GPR179: variants seen among roughly 807,000 people sequenced by gnomAD.
GPR179 encodes the protein G protein-coupled receptor 179, also known as probable G protein-coupled receptor 179.
A neutral mutation model predicts 70.8 loss-of-function variants in GPR179; 52 were observed. The ratio of observed to expected loss-of-function variants is 0.73; its 90% CI spans 0.59 to 0.93. The LOEUF (loss-of-function observed/expected upper bound fraction) is 0.93. Among genes scored for constraint, GPR179 ranks in the 40% least tolerant of loss-of-function variants. The pLI is 0.00. For synonymous variants in GPR179, 1,123 were observed against 1,169.0 expected, an observed-to-expected ratio of 0.96 and a Z score of 0.80; for missense variants, 2,734 against 2,966.8, an observed-to-expected ratio of 0.92 and a Z score of 1.82.
Position 38,326,468 on chromosome 17 carries a change from C to T in GPR179, c.7101G>A (p.Glu2367=). 2 of 1,599,694 alleles carry T rather than the reference C, an allele frequency of 1.3e-6. No homozygotes were observed. The highest frequency in any genetic ancestry group is 1.7e-6 in the Non-Finnish European group (2 of 1,170,556). The part of the protein sequence containing the change: ...TPPTVYPWDW[E] ...TTGACCTCACCTAATAAGGCTGTTACTCCCAATCCCAAGGATAGACAGTGG... is the reference window on the plus strand; with the variant it reads ...TTGACCTCACCTAATAAGGCTGTTATTCCCAATCCCAAGGATAGACAGTGG... The change falls in exon 11 of 11, where the codon GAG becomes GAA. Residue 2367 remains glutamate (E), a synonymous_variant. Coordinates refer to ENST00000616987, the MANE Select transcript of GPR179 (RefSeq NM_001004334.4).
chr17:38,335,213 G>T lies in GPR179; in HGVS notation c.1465C>A (p.Arg489=). The T allele has an allele frequency of 6.4e-7, 1 of 1,555,138 alleles. No individual in the cohort carries two copies. Among genetic ancestry groups the T allele is most frequent in the Non-Finnish European group, 8.7e-7 (1 of 1,149,466 alleles). Residue 489 remains arginine, a synonymous_variant, in exon 7 of 11, where the codon CGG becomes AGG. Transcript: ENST00000616987. ...AQRSALLSSG[R]LLRHLGLLLL... ...AGCAGCCCCAGGTGCCGCAGCAGCC[G>T]CCCGCTGCTCAGAAGGGCACTCCGC...
chr17:38,329,697 C>T lies in GPR179; in HGVS notation c.3872G>A (p.Gly1291Glu). 6.2e-7 allele frequency: 1 copy of T among 1,614,198 alleles called. No individual in the cohort carries two copies. Among genetic ancestry groups the T allele is most frequent in the Non-Finnish European group, 8.5e-7 (1 of 1,180,040 alleles). The change falls in exon 11 of 11, where the codon GGG (glycine) becomes GAG (glutamate). Residue 1291 changes from glycine (G) to glutamate (E), a missense_variant. Transcript: ENST00000616987. ...GGGCTCTGATTTTCCCCGGGCCTCC[C>T]CTCTCTTTTTTTGGGAGTCACCTGG... ...QDPGDSQKKR[G>E]EARGKSEPID...
chr17:38,332,563 C>T (rs527719784), intron 10 of GPR179, among the ~76,000 whole-genome samples: 13 of 152,300 alleles, frequency 8.5e-5, no homozygotes, highest in African/African-American at 3.1e-4. Flanking sequence ...CTAGGCTGGC[C>T]CTAGGTGCCC....
chr17:38,335,131 C>T lies in GPR179; in HGVS notation c.1547G>A (p.Gly516Asp), dbSNP rs1172583346. ...AVWTVGALER[G>D]IQHAPLVIRG... ...GATCACCAGAGGTGCGTGCTGGATG[C>T]CTCGCTCCAGGGCGCCCACGGTCCA... Residue 516 changes from glycine to aspartate, a missense_variant, in exon 7 of 11, where the codon GGC (glycine) becomes GAC (aspartate). Coordinates refer to ENST00000616987, the MANE Select transcript of GPR179 (RefSeq NM_001004334.4). 1.9e-6 allele frequency: 3 copies of T among 1,603,116 alleles called. No homozygotes were observed. Among genetic ancestry groups the T allele is most frequent in the Non-Finnish European group, 2.6e-6 (3 of 1,175,308 alleles).
At chr17:38,338,951 A>G (rs1386715583) in intron 2 of GPR179, among the ~76,000 whole-genome samples, 2 of 152,160 alleles carry the variant, frequency 1.3e-5, no homozygotes, top group African/African-American at 2.4e-5. Context: ...GATTCCTCCC[A>G]TACTCCAACC....
rs2144263583 is a variant in GPR179, at chr17:38,330,985, T to G, written c.2584A>C (p.Thr862Pro). 2.5e-6 allele frequency: 4 copies of G among 1,612,192 alleles called. No individual in the cohort carries two copies. Among genetic ancestry groups the G allele is most frequent in the Non-Finnish European group, 3.4e-6 (4 of 1,179,784 alleles). Residue 862 changes from threonine to proline, a missense_variant, in exon 11 of 11, where the codon ACC (threonine) becomes CCC (proline). Thr to Pro is a conservative substitution (Grantham distance 38). Transcript: ENST00000616987. Reference sequence around the variant, plus strand: ...TCCCGCTCCTTTGCTTGCCGGTAGGTCTCCTCCAGGTAGGCCTGGCTGGCC... The same window carrying G: ...TCCCGCTCCTTTGCTTGCCGGTAGGGCTCCTCCAGGTAGGCCTGGCTGGCC... ...LMASQAYLEETYRQAKEREER... is the reference protein window; with the variant it reads ...LMASQAYLEEPYRQAKEREER...
In GPR179 at chr17:38,328,616, C is replaced by T; in HGVS notation, c.4953G>A (p.Trp1651Ter). 8 of 1,614,186 alleles carry T rather than the reference C, an allele frequency of 5.0e-6. No homozygotes were observed. The highest frequency in any genetic ancestry group is 6.8e-6 in the Non-Finnish European group (8 of 1,180,036). The change falls in exon 11 of 11, where the codon TGG becomes TGA. Residue 1651 changes from tryptophan to a stop codon, truncating the protein, a stop_gained. Coordinates refer to ENST00000616987, the MANE Select transcript of GPR179 (RefSeq NM_001004334.4). LOFTEE classifies it low-confidence loss of function (END_TRUNC). ...AGAAGCTGCCAGGGTCCACACTCTC[C>T]CAGGGGCCGACCGCTTCTTGCTTTT... The part of the protein sequence containing the change: ...QIQKQEAVGP[W>*]ESVDPGSFSP...
chr17:38,327,398 C>G lies in GPR179; in HGVS notation c.6171G>C (p.Val2057=). The G allele has an allele frequency of 6.2e-7, 1 of 1,614,220 alleles. No homozygotes were observed. Among genetic ancestry groups the G allele is most frequent in the Non-Finnish European group, 8.5e-7 (1 of 1,180,048 alleles). ...CCATCTCTGGCTTTTTCTGAACTGG[C>G]ACACCTTTTGGCTCTGATTTTTCTG... is the stretch of plus-strand genomic sequence containing the variant. ...RAPEKSEPKG[V]PVQKKPEMAD... Residue 2057 remains valine, a synonymous_variant, in exon 11 of 11, where the codon GTG becomes GTC. Transcript: ENST00000616987.
Position 38,326,886 on chromosome 17 carries a change from T to G in GPR179, c.6683A>C (p.Asp2228Ala), listed in dbSNP as rs374054393. The change falls in exon 11 of 11, where the codon GAT becomes GCT. Residue 2228 changes from aspartate (D) to alanine (A), a missense_variant. Coordinates refer to ENST00000616987, the MANE Select transcript of GPR179 (RefSeq NM_001004334.4). ...MAELCQWEIT[D>A]PEGNKIKGTM... ...ACCCTTTATTTTATTTCCTTCTGGA[T>G]CTGTGATTTCCCATTGGCACAGCTC... The G allele has an allele frequency of 2.0e-5, 32 of 1,614,058 alleles. No homozygotes were observed. In the African/African-American group the frequency reaches 3.9e-4, roughly 20 times the overall value.
intron 10 of GPR179, among the ~76,000 whole-genome samples, chr17:38,332,413 C>A (rs944720884): frequency 9.9e-5 from 15 of 152,138 alleles, no homozygotes; most frequent in South Asian, 2.1e-4. Context: ...CTATAATGAT[C>A]CCCTTGAGCA....
intron 5 of GPR179, 63 bp from the exon 6 acceptor site, chr17:38,335,763 C>A (rs2037399549): frequency 9.5e-7 from 1 of 1,053,626 alleles, no homozygotes; most frequent in Non-Finnish European, 1.5e-6. Flanking sequence ...CAGGCCTATG[C>A]TAAGCACACT....
Position 38,343,752 on chromosome 17 carries a change from C to T in GPR179, c.38G>A (p.Trp13Ter). The T allele has an allele frequency of 1.3e-6, 2 of 1,541,402 alleles. No homozygotes were observed. ...TRGAVMPPPM[W>*]GLLGCCFVCA... is the part of the protein sequence containing the mutation. Reference sequence around the variant, plus strand: ...GACAAAACAGCAGCCCAGCAGCCCCCACATAGGAGGGGGCATGACCGCTCC... The same window carrying T: ...GACAAAACAGCAGCCCAGCAGCCCCTACATAGGAGGGGGCATGACCGCTCC... The change falls in exon 1 of 11, where the codon TGG becomes TAG. Residue 13 changes from tryptophan to a stop codon, truncating the protein, a stop_gained. Coordinates refer to ENST00000616987, the MANE Select transcript of GPR179 (RefSeq NM_001004334.4). LOFTEE classifies it high-confidence loss of function. This position sits in a 1 kb window ranked among gnomAD's most constrained non-coding sequence, Gnocchi z 4.2.
chr17:38,327,454 C>A lies in GPR179; in HGVS notation c.6115G>T (p.Gly2039Trp), dbSNP rs139390296. The change falls in exon 11 of 11, where the codon GGG (glycine) becomes TGG (tryptophan). Residue 2039 changes from glycine (G) to tryptophan (W), a missense_variant. Gly to Trp is a radical substitution (Grantham distance 184). Transcript: ENST00000616987. The stretch of plus-strand genomic sequence containing the variant: ...CTGCCTTTCTCTTCTTGAGAGTCCC[C>A]TTTTCCATCCTGCCTTGACACCCCT... ...VKGVSRQDGK[G>W]DSQEEKGRAP... is the part of the protein sequence containing the mutation. 1.2e-6 allele frequency: 2 copies of A among 1,614,228 alleles called. No homozygotes were observed. Among genetic ancestry groups the A allele is most frequent in the Non-Finnish European group, 1.7e-6 (2 of 1,180,044 alleles).
Position 38,326,584 on chromosome 17 carries a change from T to G in GPR179, c.6985A>C (p.Ser2329Arg). The G allele has an allele frequency of 1.2e-6, 2 of 1,614,244 alleles. No individual in the cohort carries two copies. The highest frequency in any genetic ancestry group is 8.5e-7 in the Non-Finnish European group (1 of 1,180,038). The change falls in exon 11 of 11, where the codon AGT becomes CGT. Residue 2329 changes from serine (S) to arginine (R), a missense_variant. Transcript: ENST00000616987. ...GACTGAGACTCAGCTTCCTGGAGACTTGGCTCTGGGGCTAAGCTGGTCCTT... is the reference window on the plus strand; with the variant it reads ...GACTGAGACTCAGCTTCCTGGAGACGTGGCTCTGGGGCTAAGCTGGTCCTT... Reference protein sequence around the residue: ...EPRTSLAPEPSLQEAESQSSS... With the variant: ...EPRTSLAPEPRLQEAESQSSS...
chr17:38,328,950 C>T lies in GPR179; in HGVS notation c.4619G>A (p.Ser1540Asn). ...TGGGCTGGAGTGCCCAGGGACCGTGCTCTCCCTGGGACAAACTGACTCCTG... is the reference window on the plus strand; with the variant it reads ...TGGGCTGGAGTGCCCAGGGACCGTGTTCTCCCTGGGACAAACTGACTCCTG... ...QQQESVCPRE[S>N]TVPGHSSPCL... The change falls in exon 11 of 11, where the codon AGC becomes AAC. Residue 1540 changes from serine (S) to asparagine (N), a missense_variant. Transcript: ENST00000616987. The T allele has an allele frequency of 6.2e-7, 1 of 1,614,182 alleles. No homozygotes were observed. The highest frequency in any genetic ancestry group is 1.1e-5 in the South Asian group (1 of 91,082).
Position 38,337,640 on chromosome 17 carries a change from G to C in GPR179, c.984C>G (p.Pro328=). ...RCRPGFYGAS[P]SGGLEESDFQ... is the part of the protein sequence containing the mutation. ...CCCACCACACTTACATACCCCCAGA[G>C]GGGCTTGCCCCGTAGAATCCAGGTC... Residue 328 remains proline, a synonymous_variant, in exon 3 of 11, where the codon CCC becomes CCG. Transcript: ENST00000616987. The C allele has an allele frequency of 6.2e-7, 1 of 1,604,402 alleles. No individual in the cohort carries two copies. The highest frequency in any genetic ancestry group is 8.5e-7 in the Non-Finnish European group (1 of 1,175,438).
chr17:38,329,489 C>A lies in GPR179; in HGVS notation c.4080G>T (p.Lys1360Asn). The A allele has an allele frequency of 6.2e-7, 1 of 1,614,044 alleles. No homozygotes were observed. The highest frequency in any genetic ancestry group is 8.5e-7 in the Non-Finnish European group (1 of 1,180,012). Residue 1360 changes from lysine (K) to asparagine (N), a missense_variant, in exon 11 of 11, where the codon AAG becomes AAT. Transcript: ENST00000616987. ...GDSVEARKVEKPGWEAAGPEA... is the reference protein window; with the variant it reads ...GDSVEARKVENPGWEAAGPEA... ...CTGGGCCAGCAGCTTCCCACCCAGGCTTCTCCACCTTCCTGGCCTCCACAC... is the reference window on the plus strand; with the variant it reads ...CTGGGCCAGCAGCTTCCCACCCAGGATTCTCCACCTTCCTGGCCTCCACAC...
At position 38,330,436 on chromosome 17, in the gene GPR179, T is replaced by C; in HGVS notation, c.3133A>G (p.Asn1045Asp). The C allele has an allele frequency of 1.3e-6, 2 of 1,587,424 alleles. No homozygotes were observed. The highest frequency in any genetic ancestry group is 1.7e-6 in the Non-Finnish European group (2 of 1,164,076). Residue 1045 changes from asparagine to aspartate, a missense_variant, in exon 11 of 11, where the codon AAT (asparagine) becomes GAT (aspartate). Asn to Asp is a conservative substitution (Grantham distance 23, BLOSUM62 1). Coordinates refer to ENST00000616987, the MANE Select transcript of GPR179 (RefSeq NM_001004334.4). Reference sequence around the variant, plus strand: ...TGTGCATCCTCTGCGTCCATCTCATTCTCCCCAGCCCTGCTTTTCTCTACT... The same window carrying C: ...TGTGCATCCTCTGCGTCCATCTCATCCTCCCCAGCCCTGCTTTTCTCTACT... ...VAVEKSRAGE[N>D]EMDAEDAHHQ...
chr17:38,329,853 C>T lies in GPR179; in HGVS notation c.3716G>A (p.Arg1239Lys). The change falls in exon 11 of 11, where the codon AGG becomes AAG. Residue 1239 changes from arginine to lysine, a missense_variant. Coordinates refer to ENST00000616987, the MANE Select transcript of GPR179 (RefSeq NM_001004334.4). Reference protein sequence around the residue: ...GLQSLGSADHRVAEVCPWEVT... With the variant: ...GLQSLGSADHKVAEVCPWEVT... ...CTCCCAGGGGCATACCTCTGCCACC[C>T]TGTGGTCAGCGCTGCCCAGGGACTG... 1.2e-6 allele frequency: 2 copies of T among 1,614,122 alleles called. No homozygotes were observed. The highest frequency in any genetic ancestry group is 1.3e-5 in the African/African-American group (1 of 75,058).
Sources: gnomAD v4.1 joint callset for allele counts (sites outside exome capture counted in the v4.1 genomes callset) on GRCh38, gnomAD v4.1.1 for gene constraint, Gnocchi (gnomAD v3.1) non-coding constraint, MANE v1.5 for transcripts, NCBI Gene and HGNC (gene_info 2026-07-23, HGNC 2026-07-21) for gene names.